Variants in ALG5 observed in about 807,000 individuals in gnomAD.
The protein encoded by ALG5 is ALG5 dolichyl-phosphate beta-glucosyltransferase, also known as dolichyl-phosphate beta-glucosyltransferase.
In ALG5, 26 loss-of-function variants were observed where a neutral mutation model predicts 51.8. The observed-to-expected ratio is 0.50, with a 90% CI of 0.37 to 0.70. The LOEUF is 0.70. ALG5 is among the 30% of genes least tolerant of loss of function. ALG5 has a pLI of 0.00. For synonymous variants in ALG5, 141 were observed against 136.1 expected (o/e 1.04, Z -0.25); for missense variants, 311 against 399.3 (o/e 0.78, Z 1.88).
chr13:36,949,805 G>T lies in ALG5; in HGVS notation c.*137C>A, dbSNP rs112451384. On this transcript the variant is annotated 3_prime_UTR_variant, in exon 10 of 10. Transcript: ENST00000239891. ...AAGAGATATATAATTTTTTACTTAT[G>T]GAAAGTTATTTCTTTAAAATTATCA... 1.3e-4 allele frequency: 61 copies of T among 474,770 alleles called. 2 individuals carry two copies. The highest frequency in any genetic ancestry group is 9.7e-4 in the African/African-American group (49 of 50,406). 29.4% of individuals were successfully genotyped at this position (474,770 alleles called of 1,614,324 possible).
intron 7 of ALG5, among the ~76,000 whole-genome samples, chr13:36,968,841 C>T (rs2058907391): frequency 6.6e-6 from 1 of 152,162 alleles, no homozygotes; most frequent in Admixed American, 6.5e-5. Flanking sequence ...TGTCTTGTGC[C>T]TTCTTGGAGA....
At chr13:36,974,722 C>CA (rs754149567) in intron 6 of ALG5, among the ~76,000 whole-genome samples, 139 of 151,918 alleles carry the variant, frequency 9.1e-4, no homozygotes, top group South Asian at 3.3e-3. Flanking sequence ...GCCCCCCCAC[C>CA]ACCATCCCAC....
intron 8 of ALG5, among the ~76,000 whole-genome samples, chr13:36,955,568 A>G (rs763699530): frequency 1.3e-5 from 2 of 151,910 alleles, no homozygotes; most frequent in Non-Finnish European, 2.9e-5. Context: ...TGGATAATAA[A>G]ATTGAGGAAA....
chr13:36,992,657 T>C (rs1370588821), intron 4 of ALG5, among the ~76,000 whole-genome samples: 1 of 152,146 alleles, frequency 6.6e-6, no homozygotes, highest in African/African-American at 2.4e-5. Context: ...TGTTTGAGGA[T>C]ATAATAAACA....
chr13:36,998,596 C>T (rs1457712894), intron 1 of ALG5, among the ~76,000 whole-genome samples: 1 of 152,200 alleles, frequency 6.6e-6, no homozygotes, highest in East Asian at 1.9e-4. Context: ...ATCGAGTTTG[C>T]ATTCTATCGT....
At chr13:36,973,917 C>A (rs2058937895) in intron 6 of ALG5, among the ~76,000 whole-genome samples, 1 of 152,170 alleles carries the variant, frequency 6.6e-6, no homozygotes, top group Non-Finnish European at 1.5e-5. Context: ...CTAGCAACAG[C>A]AATTTGAAAC....
intron 5 of ALG5, among the ~76,000 whole-genome samples, chr13:36,987,163 T>G (rs551638931): frequency 2.0e-5 from 3 of 152,200 alleles, no homozygotes; most frequent in Non-Finnish European, 4.4e-5. Context: ...ACATCCTCTC[T>G]CCTAGGCTAT....
chr13:36,950,207 G>C lies in ALG5; in HGVS notation c.860-150C>G. 5.6e-6 allele frequency: 3 copies of C among 535,346 alleles called. No homozygotes were observed. In the Middle Eastern group the frequency reaches 1.4e-3, roughly 258 times the overall value. 33.2% of individuals were successfully genotyped at this position (535,346 alleles called of 1,614,324 possible). Reference sequence around the variant, plus strand: ...CAAAAAGTTAAACAATTTCAAAGCTGAAGTGAGTGGAGTGGTTTTCTCTAA... The same window carrying C: ...CAAAAAGTTAAACAATTTCAAAGCTCAAGTGAGTGGAGTGGTTTTCTCTAA... On this transcript the variant is annotated intron_variant, in intron 9 of 9. Transcript: ENST00000239891.
chr13:36,991,354 A>C, intron 4 of ALG5, among the ~76,000 whole-genome samples: 1 of 150,578 alleles, frequency 6.6e-6, no homozygotes, highest in Non-Finnish European at 1.5e-5. Flanking sequence ...TTCTCATTCA[A>C]CTATTACTTT....
At chr13:36,984,042 A>C (rs1566065426) in intron 6 of ALG5, among the ~76,000 whole-genome samples, 1 of 151,802 alleles carries the variant, frequency 6.6e-6, no homozygotes, top group African/African-American at 2.4e-5. Flanking sequence ...TATTTCATTC[A>C]TAGATAGTTT....
At chr13:36,988,444 T>C (rs910906725) in intron 5 of ALG5, among the ~76,000 whole-genome samples, 1 of 152,226 alleles carries the variant, frequency 6.6e-6, no homozygotes, top group African/African-American at 2.4e-5. Context: ...GAGTTCCTAC[T>C]TCTGTCTTTT....
chr13:36,958,118 C>T (rs192968727), intron 8 of ALG5, among the ~76,000 whole-genome samples: 1 of 152,180 alleles, frequency 6.6e-6, no homozygotes, highest in East Asian at 1.9e-4. Flanking sequence ...TAACTAGAAT[C>T]GCAGATCCCC....
At chr13:36,955,088 T>C (rs1171506623) in intron 8 of ALG5, among the ~76,000 whole-genome samples, 1 of 152,182 alleles carries the variant, frequency 6.6e-6, no homozygotes, top group Admixed American at 6.5e-5. Flanking sequence ...ACTGAACATC[T>C]AAGATTTTCC....
chr13:36,987,400 A>T (rs1228237161), intron 5 of ALG5, among the ~76,000 whole-genome samples: 1 of 151,968 alleles, frequency 6.6e-6, no homozygotes, highest in Non-Finnish European at 1.5e-5. Context: ...GCCCAGTGGG[A>T]GGTGTTTGGG....
At chr13:36,970,113 T>C (rs965596640) in intron 7 of ALG5, among the ~76,000 whole-genome samples, 14 of 151,012 alleles carry the variant, frequency 9.3e-5, no homozygotes, top group African/African-American at 3.1e-4. Context: ...GTGCTGAAGA[T>C]CTTAGACACA....
chr13:36,974,820 A>G (rs920260607), intron 6 of ALG5, among the ~76,000 whole-genome samples: 5 of 152,102 alleles, frequency 3.3e-5, no homozygotes, highest in Non-Finnish European at 5.9e-5. Context: ...ATGACACCTA[A>G]AACACCAATA....
intron 8 of ALG5, among the ~76,000 whole-genome samples, chr13:36,961,941 T>C (rs1406094299): frequency 1.3e-5 from 2 of 151,916 alleles, no homozygotes; most frequent in African/African-American, 2.4e-5. Flanking sequence ...ACCACCACGC[T>C]TGGCTAATTT....
At chr13:36,983,499 T>C (rs1054712446) in intron 6 of ALG5, among the ~76,000 whole-genome samples, 1 of 151,604 alleles carries the variant, frequency 6.6e-6, no homozygotes, top group Non-Finnish European at 1.5e-5. Flanking sequence ...TAGTCCCAGC[T>C]ATTCAGGAAG....
At chr13:36,981,547 C>T (rs973311326) in intron 6 of ALG5, among the ~76,000 whole-genome samples, 2 of 152,116 alleles carry the variant, frequency 1.3e-5, no homozygotes, top group African/African-American at 4.8e-5. Context: ...CACTTTTAGA[C>T]ACAGAAATCT....
Sources: allele counts gnomAD v4.1 joint callset (sites outside exome capture counted in the v4.1 genomes callset), GRCh38; gene constraint gnomAD v4.1.1; transcripts MANE v1.5; gene names NCBI Gene and HGNC (gene_info 2026-07-23, HGNC 2026-07-21).